RUSC2: variants seen among roughly 807,000 people sequenced by gnomAD.
The protein encoded by RUSC2 is AP-4 complex accessory subunit RUSC2.
In RUSC2, 34 loss-of-function variants were observed where a neutral mutation model predicts 122.2. The ratio of observed to expected loss-of-function variants is 0.28; its 90% CI spans 0.21 to 0.37. RUSC2 has a LOEUF of 0.37. RUSC2 is among the 10% of genes least tolerant of loss of function. The pLI is 1.00. For missense variants in RUSC2, 1,747 were observed against 1,952.4 expected, an observed-to-expected ratio of 0.89 and a Z score of 1.98; for synonymous variants, 784 against 790.0, an observed-to-expected ratio of 0.99 and a Z score of 0.13.
At chr9:35,518,763 A>G (rs1821155707) in intron 1 of RUSC2, among the ~76,000 whole-genome samples, 1 of 152,186 alleles carries the variant, frequency 6.6e-6, no homozygotes, top group East Asian at 1.9e-4. Context: ...GGCCTAACCC[A>G]TCCTCTGTCT....
chr9:35,559,078 C>T, intron 8 of RUSC2, 148 bp from the exon 9 acceptor site: 1 of 706,208 alleles, frequency 1.4e-6, no homozygotes, highest in Admixed American at 2.0e-5. Flanking sequence ...CTCCACACAT[C>T]CCCACTGACT....
chr9:35,507,171 C>G (rs1820930917), intron 1 of RUSC2, among the ~76,000 whole-genome samples: 2 of 152,028 alleles, frequency 1.3e-5, no homozygotes, highest in South Asian at 4.1e-4. Context: ...CACCTATAAT[C>G]CCACTTTCCT....
chr9:35,526,186 T>C (rs1821322557), intron 1 of RUSC2, among the ~76,000 whole-genome samples: 2 of 152,252 alleles, frequency 1.3e-5, no homozygotes, highest in South Asian at 2.1e-4. Context: ...CAGTAACCAA[T>C]GTTTATATTC....
intron 2 of RUSC2, among the ~76,000 whole-genome samples, chr9:35,553,851 T>C (rs1167479811): frequency 1.3e-5 from 2 of 152,158 alleles, no homozygotes; most frequent in African/African-American, 2.4e-5. Context: ...CCTCTGACTC[T>C]TTGATGTAAA....
Position 35,561,439 on chromosome 9 carries a change from G to C in RUSC2, c.*57G>C. On this transcript the variant is annotated 3_prime_UTR_variant, in exon 12 of 12. Coordinates refer to ENST00000361226, the MANE Select transcript of RUSC2 (RefSeq NM_014806.5). Reference sequence around the variant, plus strand: ...CTCATAACCCCCAGACTCAGAGCCCGAGAGCCCTTCCCAAGCCATTGGCTT... The same window carrying C: ...CTCATAACCCCCAGACTCAGAGCCCCAGAGCCCTTCCCAAGCCATTGGCTT... The C allele has an allele frequency of 6.9e-7, 1 of 1,449,418 alleles. No homozygotes were observed. Among genetic ancestry groups the C allele is most frequent in the East Asian group, 2.3e-5 (1 of 43,952 alleles). 89.8% of individuals were successfully genotyped at this position (1,449,418 alleles called of 1,614,324 possible). A position where few individuals can be genotyped will look rare whatever the true frequency, so the allele number is the denominator to read the frequency against.
intron 1 of RUSC2, among the ~76,000 whole-genome samples, chr9:35,517,399 C>G (rs1032123186): frequency 1.3e-5 from 2 of 152,102 alleles, no homozygotes; most frequent in Admixed American, 6.6e-5. Context: ...AGAATACATC[C>G]CTCATTAATG....
chr9:35,541,648 T>C (rs1821644863), intron 1 of RUSC2, among the ~76,000 whole-genome samples: 1 of 152,038 alleles, frequency 6.6e-6, no homozygotes, highest in South Asian at 2.1e-4. Context: ...GGTTTCACCA[T>C]GTTGGCCAGG....
chr9:35,496,295 C>T (rs570598557), intron 1 of RUSC2, among the ~76,000 whole-genome samples: 5 of 152,108 alleles, frequency 3.3e-5, no homozygotes, highest in Non-Finnish European at 7.4e-5. Flanking sequence ...TAGAGAAACT[C>T]GACTTAAAAT....
rs74604827 is a variant in RUSC2, at chr9:35,533,580, A to G, written c.-92-12850A>G. ...CTGTAGTCTAATTTTGGAACATTTCATCATTCCCAAAAGAAACCCCACACC... is the reference window on the plus strand; with the variant it reads ...CTGTAGTCTAATTTTGGAACATTTCGTCATTCCCAAAAGAAACCCCACACC... On this transcript the variant is annotated intron_variant, in intron 1 of 11. Coordinates refer to ENST00000361226, the MANE Select transcript of RUSC2 (RefSeq NM_014806.5). 5.4e-3 allele frequency among the ~76,000 whole-genome samples: 826 copies of G among 152,300 alleles called. 8 individuals carry two copies. The highest frequency in any genetic ancestry group is 0.019 in the African/African-American group (783 of 41,558).
chr9:35,559,361 A>AG (rs1822092257), intron 9 of RUSC2, 89 bp downstream of exon 9: 1 of 1,138,126 alleles, frequency 8.8e-7, no homozygotes, highest in African/African-American at 1.5e-5. Context: ...TCATTGCTGG[A>AG]GGTGGGGAGG....
chr9:35,558,969 G>C lies in RUSC2; in HGVS notation c.3342-257G>C, dbSNP rs1473053993. 6.6e-6 allele frequency among the ~76,000 whole-genome samples: 1 copy of C among 152,202 alleles called. No individual in the cohort carries two copies. Among genetic ancestry groups the C allele is most frequent in the Non-Finnish European group, 1.5e-5 (1 of 68,046 alleles). Reference sequence around the variant, plus strand: ...CATTCCCTTTGGCCCTGAGCTGCCTGTACTTTCACACAGTAGCTGCCTTGA... The same window carrying C: ...CATTCCCTTTGGCCCTGAGCTGCCTCTACTTTCACACAGTAGCTGCCTTGA... On this transcript the variant is annotated intron_variant, in intron 8 of 11. Transcript: ENST00000361226. The surrounding 1 kb of genome is among the most constrained non-coding windows in gnomAD (Gnocchi z 4.3).
Position 35,554,603 on chromosome 9 carries a change from C to T in RUSC2, c.2015-457C>T, listed in dbSNP as rs144057251. Among the ~76,000 whole-genome samples the T allele has an allele frequency of 6.0e-3, 913 of 152,042 alleles. 9 individuals carry two copies. The highest frequency in any genetic ancestry group is 0.02 in the African/African-American group (842 of 41,472). On this transcript the variant is annotated intron_variant, in intron 2 of 11. Transcript: ENST00000361226. ...TGCCATTGATAGAAATGGAAGTCATCGGAAAAAAGGAGAAAGGTGATGGAT... is the reference window on the plus strand; with the variant it reads ...TGCCATTGATAGAAATGGAAGTCATTGGAAAAAAGGAGAAAGGTGATGGAT...
At chr9:35,493,196 C>T (rs1425689719) in intron 1 of RUSC2, among the ~76,000 whole-genome samples, 3 of 152,072 alleles carry the variant, frequency 2.0e-5, no homozygotes, top group Non-Finnish European at 2.9e-5. Flanking sequence ...TTTATACATT[C>T]CCATCATTTA....
intron 8 of RUSC2, among the ~76,000 whole-genome samples, chr9:35,559,002 G>A (rs1329889618): frequency 6.6e-6 from 1 of 152,174 alleles, no homozygotes; most frequent in African/African-American, 2.4e-5. Context: ...TGATTTCTTA[G>A]GTCTACTGCA....
chr9:35,557,833 G>T lies in RUSC2; in HGVS notation c.2984-81G>T. The T allele has an allele frequency of 8.4e-7, 1 of 1,196,266 alleles. No individual in the cohort carries two copies. The highest frequency in any genetic ancestry group is 2.3e-5 in the East Asian group (1 of 42,872). The allele number at this position is 1,196,266 out of a possible 1,614,324, so 74.1% of individuals were successfully genotyped here. A position where few individuals can be genotyped will look rare whatever the true frequency, so the allele number is the denominator to read the frequency against. On this transcript the variant is annotated intron_variant, in intron 5 of 11. Transcript: ENST00000361226. The surrounding 1 kb of genome is among the most constrained non-coding windows in gnomAD (Gnocchi z 4.6). ...GAGTAAGTGTGGGAGCCCTTTCCCT[G>T]AGGAAACCTGAGGTTTCAGCCCCAG...
chr9:35,522,454 G>A (rs1350395928), intron 1 of RUSC2, among the ~76,000 whole-genome samples: 12 of 152,112 alleles, frequency 7.9e-5, no homozygotes, highest in Admixed American at 7.2e-4. Context: ...TTATGTATTG[G>A]GGCTGAAAAA....
chr9:35,512,933 C>T (rs1821034695), intron 1 of RUSC2, among the ~76,000 whole-genome samples: 1 of 152,130 alleles, frequency 6.6e-6, no homozygotes, highest in Non-Finnish European at 1.5e-5. Context: ...AAAAAAAATG[C>T]ATATTGACCA....
intron 2 of RUSC2, among the ~76,000 whole-genome samples, chr9:35,550,371 G>A (rs964038932): frequency 2.6e-5 from 4 of 151,708 alleles, no homozygotes; most frequent in African/African-American, 9.7e-5. Flanking sequence ...CATACCTATA[G>A]TCCCAGCACT....
intron 1 of RUSC2, among the ~76,000 whole-genome samples, chr9:35,543,090 G>A (rs190012400): frequency 6.6e-6 from 1 of 152,200 alleles, no homozygotes; most frequent in Non-Finnish European, 1.5e-5. Flanking sequence ...GACTCCAGGG[G>A]AAACGTAGTT....
Sources: gnomAD v4.1 joint callset for allele counts (sites outside exome capture counted in the v4.1 genomes callset) on GRCh38, gnomAD v4.1.1 for gene constraint, Gnocchi (gnomAD v3.1) non-coding constraint, MANE v1.5 for transcripts, NCBI Gene and HGNC (gene_info 2026-07-23, HGNC 2026-07-21) for gene names.